TLK2: variants seen among roughly 807,000 people sequenced by gnomAD.
TLK2 encodes serine/threonine-protein kinase tousled-like 2.
Under a neutral mutation model 117.3 loss-of-function variants are expected in TLK2, and 6 were observed. The observed-to-expected ratio is 0.05, with a 90% confidence interval of 0.03 to 0.10. TLK2 has a LOEUF of 0.10. TLK2 is among the 10% of genes least tolerant of loss of function. The probability of loss-of-function intolerance (pLI) is 1.00; values close to 1 mark genes in which losing one functional copy is unlikely to be tolerated. For synonymous variants in TLK2, 257 were observed against 316.7 expected (o/e 0.81, Z 2.00); for missense variants, 299 against 901.2 (o/e 0.33, Z 8.56).
In TLK2 at chr17:62,612,723, A is replaced by G. The variant is rs899831968; in HGVS notation, c.*158A>G. On this transcript the variant is annotated 3_prime_UTR_variant, in exon 22 of 22. Transcript: ENST00000346027. ...TTTCCCATCCATAGAGCATGACAGC[A>G]TCGATTCTCATTGAGGAGAAACCTT... is the stretch of plus-strand genomic sequence containing the variant. 14 of 660,102 alleles carry G rather than the reference A, an allele frequency of 2.1e-5. No individual in the cohort carries two copies. In the African/African-American group the frequency reaches 2.4e-4, roughly 12 times the overall value. 40.9% of individuals were successfully genotyped at this position (660,102 alleles called of 1,614,324 possible).
chr17:62,591,244 C>T (rs2146999084), intron 16 of TLK2, among the ~76,000 whole-genome samples: 1 of 151,800 alleles, frequency 6.6e-6, no homozygotes, highest in East Asian at 1.9e-4. Context: ...GCAAGACTGT[C>T]TTAAAAAAAG....
chr17:62,476,701 A>G (rs545269618), upstream of TLK2, among the ~76,000 whole-genome samples: 5 of 152,308 alleles, frequency 3.3e-5, no homozygotes, highest in South Asian at 1.0e-3. Flanking sequence ...TTGTCTGTGG[A>G]AAGAGCTAGG....
intron 15 of TLK2, among the ~76,000 whole-genome samples, chr17:62,584,671 A>G (rs1274713921): frequency 6.6e-6 from 1 of 152,210 alleles, no homozygotes; most frequent in East Asian, 1.9e-4. Flanking sequence ...AAAATAAAAA[A>G]TGTTGCAATT....
intron 10 of TLK2, among the ~76,000 whole-genome samples, chr17:62,561,991 T>C (rs951896912): frequency 3.3e-5 from 5 of 152,332 alleles, no homozygotes; most frequent in South Asian, 2.1e-4. Context: ...AGAACTGAAA[T>C]TGTAGTATCT....
Position 62,549,416 on chromosome 17 carries a change from AAAAAAAAAAAAAAAAAAAAAAT to A in TLK2, c.532-2884_532-2863del, listed in dbSNP as rs1158597995. Among the ~76,000 whole-genome samples, 39 of 31,996 alleles carry A rather than the reference AAAAAAAAAAAAAAAAAAAAAAT, an allele frequency of 1.2e-3. 1 individual carries two copies. Among genetic ancestry groups the A allele is most frequent in the Admixed American group, 2.9e-3 (6 of 2,046 alleles). 21.0% of individuals were successfully genotyped at this position (31,996 alleles called of 152,430 possible). ...TCCATCTCAAAAAAAAAAAAAAAAA[AAAAAAAAAAAAAAAAAAAAAAT>A]AGAAACACATTGTAAAAGGAGAGGA... On this transcript the variant is annotated intron_variant, in intron 7 of 21. Coordinates refer to ENST00000346027, the MANE Select transcript of TLK2 (RefSeq NM_006852.6).
In TLK2 at chr17:62,564,929, T is replaced by G. The variant is rs2079627895; in HGVS notation, c.832-72T>G. 3.9e-6 allele frequency: 6 copies of G among 1,521,134 alleles called. No individual in the cohort carries two copies. In the East Asian group the frequency reaches 1.4e-4, roughly 35 times the overall value. The allele number at this position is 1,521,134 out of a possible 1,614,324, so 94.2% of individuals were successfully genotyped here. On this transcript the variant is annotated intron_variant, in intron 10 of 21. Transcript: ENST00000346027. The stretch of plus-strand genomic sequence containing the variant: ...TATGTTTCCTGATAATGTTAAATGT[T>G]TTAGTTTCTAAGAAGTGTCTTTATC...
At chr17:62,518,360 C>A (rs1048386425) in intron 2 of TLK2, among the ~76,000 whole-genome samples, 1 of 152,038 alleles carries the variant, frequency 6.6e-6, no homozygotes, top group Non-Finnish European at 1.5e-5. Flanking sequence ...GAAGATAAAA[C>A]CTTGTTATTT....
rs544900638 is a variant in TLK2 at position 62,505,407 on chromosome 17, A to ATTTTTTTTTTT, written c.82-15350_82-15340dup. 4.2e-3 allele frequency among the ~76,000 whole-genome samples: 225 copies of ATTTTTTTTTTT among 53,768 alleles called. 48 individuals carry two copies. The highest frequency in any genetic ancestry group is 0.01 in the African/African-American group (111 of 10,816). The allele number at this position is 53,768 out of a possible 152,430, so 35.3% of individuals were successfully genotyped here. On this transcript the variant is annotated intron_variant, in intron 2 of 21. Coordinates refer to ENST00000346027, the MANE Select transcript of TLK2 (RefSeq NM_006852.6). ...TACAGTCATGCACTACCATACCCAG[A>ATTTTTTTTTTT]TTTTTTTTTTTTTTTTTTTTTTTTT...
At chr17:62,498,695 C>T (rs144592315) in intron 2 of TLK2, among the ~76,000 whole-genome samples, 1 of 151,808 alleles carries the variant, frequency 6.6e-6, no homozygotes, top group Non-Finnish European at 1.5e-5. Flanking sequence ...CTAGCCAAGC[C>T]CTGTCTTTTT....
intron 19 of TLK2, among the ~76,000 whole-genome samples, chr17:62,603,649 A>G (rs1042792741): frequency 3.3e-5 from 5 of 152,128 alleles, no homozygotes; most frequent in Admixed American, 6.5e-5. Context: ...TTTTGCTTCA[A>G]AGTAGTCTGT....
chr17:62,483,271 T>G (rs576204683), intron 2 of TLK2, among the ~76,000 whole-genome samples: 1 of 151,858 alleles, frequency 6.6e-6, no homozygotes. Context: ...GGATTAGGGT[T>G]GTTGTTCTGT....
At chr17:62,486,426 C>T (rs1476854012) in intron 2 of TLK2, among the ~76,000 whole-genome samples, 1 of 152,182 alleles carries the variant, frequency 6.6e-6, no homozygotes, top group Non-Finnish European at 1.5e-5. Flanking sequence ...TCCCAAATTG[C>T]TGTGATGACA....
chr17:62,549,200 T>A (rs1219092757), intron 7 of TLK2, among the ~76,000 whole-genome samples: 1 of 147,536 alleles, frequency 6.8e-6, no homozygotes, highest in African/African-American at 2.5e-5. Flanking sequence ...GAAACCATCC[T>A]GGCTAACCTG....
At chr17:62,574,265 C>A in intron 12 of TLK2, 3 of 1,521,232 alleles carry the variant, frequency 2.0e-6, no homozygotes, top group Middle Eastern at 3.4e-4. Context: ...ATCCTCACCC[C>A]ATACATATCT....
At chr17:62,551,087 G>A (rs550681213) in intron 7 of TLK2, among the ~76,000 whole-genome samples, 2 of 152,286 alleles carry the variant, frequency 1.3e-5, no homozygotes, top group East Asian at 3.9e-4. Context: ...CAAAGTGCTA[G>A]GATTACAGGT....
intron 11 of TLK2, among the ~76,000 whole-genome samples, chr17:62,566,057 G>A (rs1471459086): frequency 3.3e-5 from 5 of 152,156 alleles, no homozygotes; most frequent in South Asian, 2.1e-4. Context: ...AAACATTCAG[G>A]TATTTATTCC....
At position 62,483,647 on chromosome 17, in the gene TLK2, G is replaced by A. The variant is rs551517273; in HGVS notation, c.81+2441G>A. On this transcript the variant is annotated intron_variant, in intron 2 of 21. Transcript: ENST00000346027. ...CCTATAGATAGCTGGGATTACAGGC[G>A]TGCGCCACTACCACCCTGTTAATTT... Among the ~76,000 whole-genome samples the A allele has an allele frequency of 2.6e-5, 4 of 151,652 alleles. No homozygotes were observed. In the East Asian group the frequency reaches 5.8e-4, roughly 22 times the overall value.
At chr17:62,524,546 A>G (rs1669926603) in intron 6 of TLK2, among the ~76,000 whole-genome samples, 1 of 152,238 alleles carries the variant, frequency 6.6e-6, no homozygotes, top group Non-Finnish European at 1.5e-5. Flanking sequence ...TCTCTATATA[A>G]TAAATTACCT....
At chr17:62,573,166 G>A (rs915680796) in intron 11 of TLK2, 49 bp from the exon 12 acceptor site, 1 of 1,561,222 alleles carries the variant, frequency 6.4e-7, no homozygotes, top group African/African-American at 1.4e-5. Flanking sequence ...CATAGCTGTG[G>A]TAAAACTTTT....
Sources: gnomAD v4.1 joint callset for allele counts (sites outside exome capture counted in the v4.1 genomes callset) on GRCh38, gnomAD v4.1.1 for gene constraint, MANE v1.5 for transcripts, NCBI Gene and HGNC (gene_info 2026-07-23, HGNC 2026-07-21) for gene names.